The following SGCZ variants were observed in gnomAD, a reference collection of about 807,000 sequenced individuals.
The protein encoded by SGCZ is sarcoglycan zeta, also known as zeta-sarcoglycan.
A neutral mutation model predicts 41.3 loss-of-function variants in SGCZ; 40 were observed. That is an observed-to-expected ratio of 0.97 (90% confidence interval 0.75 to 1.26). The LOEUF is 1.26. Ranked by LOEUF, SGCZ falls within the 50% of genes most tolerant of loss-of-function variation. The probability of loss-of-function intolerance (pLI) is 0.00; values close to 1 mark genes in which losing one functional copy is unlikely to be tolerated. For missense variants in SGCZ, 552 were observed against 369.8 expected, an observed-to-expected ratio of 1.49 and a Z score of -4.04; for synonymous variants, 206 against 137.5, an observed-to-expected ratio of 1.50 and a Z score of -3.49.
In SGCZ at chr8:14,551,523, TA is replaced by T. The variant is rs1563404461; in HGVS notation, c.234+3208del. Among the ~76,000 whole-genome samples, 29 of 10,834 alleles carry T rather than the reference TA, an allele frequency of 2.7e-3. 3 individuals carry two copies. The highest frequency in any genetic ancestry group is 0.014 in the African/African-American group (18 of 1,316). The allele number at this position is 10,834 out of a possible 152,430, so 7.1% of individuals were successfully genotyped here. On this transcript the variant is annotated intron_variant, in intron 2 of 7. Transcript: ENST00000382080. ...TTATATATATTATATATATTATATA[TA>T]ATATATATAATATATATAATATATA...
intron 1 of SGCZ, among the ~76,000 whole-genome samples, chr8:14,655,811 C>G (rs1240017516): frequency 6.6e-6 from 1 of 152,104 alleles, no homozygotes; most frequent in Non-Finnish European, 1.5e-5. Flanking sequence ...AATCTGTCCT[C>G]CCTTTCTAGA....
intron 5 of SGCZ, among the ~76,000 whole-genome samples, chr8:14,116,189 T>C (rs1374889725): frequency 2.6e-5 from 4 of 152,076 alleles, no homozygotes; most frequent in East Asian, 3.8e-4. Flanking sequence ...TCTACAAATA[T>C]TTTTTACTCT....
intron 1 of SGCZ, among the ~76,000 whole-genome samples, chr8:14,678,454 A>G (rs6988258): frequency 0.57 from 86,332 of 152,008 alleles, 26,057 homozygotes; most frequent in East Asian, 0.78. Context: ...ATTATATATC[A>G]TCAGGGAAAT....
At chr8:14,668,875 C>A (rs1808002718) in intron 1 of SGCZ, among the ~76,000 whole-genome samples, 1 of 152,020 alleles carries the variant, frequency 6.6e-6, no homozygotes. Context: ...AAATAAATCA[C>A]TACAATAAAG....
chr8:15,194,218 C>G (rs1450160418), intron 1 of SGCZ, among the ~76,000 whole-genome samples: 1 of 151,802 alleles, frequency 6.6e-6, no homozygotes, highest in African/African-American at 2.4e-5. Context: ...CACACACACA[C>G]ACACACACAC....
chr8:14,183,226 A>G (rs988363189), intron 4 of SGCZ, among the ~76,000 whole-genome samples: 1 of 152,246 alleles, frequency 6.6e-6, no homozygotes, highest in East Asian at 1.9e-4. Flanking sequence ...AATCAGAAAT[A>G]GAAAACCTGG....
intron 1 of SGCZ, among the ~76,000 whole-genome samples, chr8:14,632,282 C>G (rs1409200217): frequency 1.3e-5 from 2 of 151,992 alleles, no homozygotes; most frequent in Non-Finnish European, 2.9e-5. Flanking sequence ...ATCAGCCTCC[C>G]AAAGCATTAG....
intron 4 of SGCZ, among the ~76,000 whole-genome samples, chr8:14,225,480 A>T (rs1008679350): frequency 6.6e-6 from 1 of 151,756 alleles, no homozygotes; most frequent in Non-Finnish European, 1.5e-5. Context: ...TAAAATACCC[A>T]GTAAAAGATT....
At chr8:14,638,391 T>A (rs1806906069) in intron 1 of SGCZ, among the ~76,000 whole-genome samples, 4 of 151,882 alleles carry the variant, frequency 2.6e-5, no homozygotes, top group Admixed American at 2.0e-4. Flanking sequence ...GCTCACAAAT[T>A]GGAATACATT....
intron 1 of SGCZ, among the ~76,000 whole-genome samples, chr8:14,860,914 G>A (rs951001809): frequency 2.0e-5 from 3 of 152,044 alleles, no homozygotes; most frequent in African/African-American, 7.2e-5. Context: ...TTGAACTTTT[G>A]TTTCCAAGGT....
chr8:14,970,378 T>C (rs1230622129), intron 1 of SGCZ, among the ~76,000 whole-genome samples: 1 of 152,152 alleles, frequency 6.6e-6, no homozygotes, highest in Non-Finnish European at 1.5e-5. Context: ...TAGATTTTGA[T>C]TTAAACAAAT....
At chr8:14,344,686 A>T (rs1802830754) in intron 2 of SGCZ, among the ~76,000 whole-genome samples, 1 of 152,162 alleles carries the variant, frequency 6.6e-6, no homozygotes, top group Non-Finnish European at 1.5e-5. Context: ...TAAGTAATGC[A>T]CAGGATGAAT....
At chr8:14,534,873 G>T (rs180980519) in intron 2 of SGCZ, among the ~76,000 whole-genome samples, 10 of 152,014 alleles carry the variant, frequency 6.6e-5, no homozygotes, top group African/African-American at 2.2e-4. Context: ...ACCATCTGAT[G>T]AATAAGCATA....
chr8:15,173,165 G>C (rs991347645), intron 1 of SGCZ, among the ~76,000 whole-genome samples: 3 of 152,154 alleles, frequency 2.0e-5, no homozygotes, highest in Non-Finnish European at 4.4e-5. Flanking sequence ...TACTATTTGT[G>C]TGACCTTTAG....
At chr8:14,700,410 G>C (rs1457730370) in intron 1 of SGCZ, among the ~76,000 whole-genome samples, 1 of 151,842 alleles carries the variant, frequency 6.6e-6, no homozygotes, top group Non-Finnish European at 1.5e-5. Context: ...GCTAAACATT[G>C]AGTACACATG....
At chr8:15,093,260 C>G (rs1300643429) in intron 1 of SGCZ, among the ~76,000 whole-genome samples, 1 of 152,222 alleles carries the variant, frequency 6.6e-6, no homozygotes, top group Non-Finnish European at 1.5e-5. Flanking sequence ...CAAATACACA[C>G]ACTTGTAAGC....
rs545885952 is a variant in SGCZ, at chr8:14,672,945, G to A, written c.40-118019C>T. ...ACTCATCTCTGCTGTTGTACAGAGAGAGAAACCAGACAAACTGGAAAGAAA... is the reference window on the plus strand; with the variant it reads ...ACTCATCTCTGCTGTTGTACAGAGAAAGAAACCAGACAAACTGGAAAGAAA... On this transcript the variant is annotated intron_variant, in intron 1 of 7. Coordinates refer to ENST00000382080, the MANE Select transcript of SGCZ (RefSeq NM_139167.4). 1.1e-3 allele frequency among the ~76,000 whole-genome samples: 161 copies of A among 152,242 alleles called. 2 individuals are homozygous for A. The highest frequency in any genetic ancestry group is 3.6e-3 in the African/African-American group (148 of 41,558).
intron 2 of SGCZ, among the ~76,000 whole-genome samples, chr8:14,418,690 C>G (rs1396939497): frequency 2.0e-5 from 3 of 151,822 alleles, no homozygotes; most frequent in Non-Finnish European, 4.4e-5. Context: ...GAAATGTAAA[C>G]ATGCCACAAT....
chr8:14,719,805 G>A (rs187168562), intron 1 of SGCZ, among the ~76,000 whole-genome samples: 1 of 151,792 alleles, frequency 6.6e-6, no homozygotes, highest in Admixed American at 6.6e-5. Context: ...TTTGTAGGTT[G>A]CCTGTTCACT....
Sources: allele counts gnomAD v4.1 joint callset (sites outside exome capture counted in the v4.1 genomes callset), GRCh38; gene constraint gnomAD v4.1.1; transcripts MANE v1.5; gene names NCBI Gene and HGNC (gene_info 2026-07-23, HGNC 2026-07-21).